CARMIL1: variants seen among roughly 807,000 people sequenced by gnomAD.
CARMIL1 encodes the protein capping protein regulator and myosin 1 linker 1.
In CARMIL1, 90 loss-of-function variants were observed where a neutral mutation model predicts 177.1. That is an observed-to-expected ratio of 0.51 (90% confidence interval 0.43 to 0.61). The LOEUF (loss-of-function observed/expected upper bound fraction) is 0.61. CARMIL1 is among the 20% of genes least tolerant of loss of function. The pLI, the probability that CARMIL1 is intolerant of heterozygous loss-of-function variation, is 0.00. For missense variants in CARMIL1, 1,380 were observed against 1,667.0 expected (o/e 0.83, Z 3.00); for synonymous variants, 577 against 606.2 (o/e 0.95, Z 0.71).
At chr6:25,514,515 A>C (rs1158568620) in intron 20 of CARMIL1, among the ~76,000 whole-genome samples, 1 of 145,042 alleles carries the variant, frequency 6.9e-6, no homozygotes, top group East Asian at 2.0e-4. Context: ...CCACTGCAGC[A>C]CTCCAGCTTG....
In CARMIL1 at chr6:25,554,823, T is replaced by C. The variant is rs1160170284; in HGVS notation, c.2592+727T>C. On this transcript the variant is annotated intron_variant, in intron 28 of 36. Transcript: ENST00000329474. This position sits in a 1 kb window ranked among gnomAD's most constrained non-coding sequence, Gnocchi z 4.6. ...CAAGAAAAATAATTCTTCAATGTTTTCTTAACTGTGCGGGATGGAGATACC... is the reference window on the plus strand; with the variant it reads ...CAAGAAAAATAATTCTTCAATGTTTCCTTAACTGTGCGGGATGGAGATACC... Among the ~76,000 whole-genome samples the C allele has an allele frequency of 6.6e-6, 1 of 152,222 alleles. No homozygotes were observed. The highest frequency in any genetic ancestry group is 1.5e-5 in the Non-Finnish European group (1 of 68,034).
chr6:25,613,157 CA>C (rs1470197426), intron 36 of CARMIL1, among the ~76,000 whole-genome samples: 1 of 152,162 alleles, frequency 6.6e-6, no homozygotes, highest in Non-Finnish European at 1.5e-5. Flanking sequence ...TTTTTGTGAT[CA>C]TGCAAGTTTA....
intron 2 of CARMIL1, among the ~76,000 whole-genome samples, chr6:25,344,081 C>G (rs186781105): frequency 6.6e-6 from 1 of 152,236 alleles, no homozygotes; most frequent in East Asian, 1.9e-4. Flanking sequence ...TGTGAGTTCT[C>G]CAGGATTTCA....
intron 16 of CARMIL1, among the ~76,000 whole-genome samples, chr6:25,498,176 CTGAG>C (rs1446418749): frequency 2.0e-5 from 3 of 152,138 alleles, no homozygotes; most frequent in Admixed American, 6.6e-5. Flanking sequence ...ATCTTTCTGG[CTGAG>C]TATTTTTCAT....
chr6:25,478,770 T>A (rs559844385), intron 11 of CARMIL1, among the ~76,000 whole-genome samples: 5 of 151,576 alleles, frequency 3.3e-5, no homozygotes, highest in Admixed American at 6.6e-5. Flanking sequence ...CACTCCAGCC[T>A]GGGTGACAGA....
chr6:25,392,220 A>G (rs1312197809), intron 2 of CARMIL1, among the ~76,000 whole-genome samples: 3 of 152,050 alleles, frequency 2.0e-5, no homozygotes, highest in African/African-American at 7.2e-5. Flanking sequence ...TTGCAGTTGG[A>G]CAGGACTTTT....
At chr6:25,568,001 C>T (rs559444930) in intron 29 of CARMIL1, among the ~76,000 whole-genome samples, 75 of 152,162 alleles carry the variant, frequency 4.9e-4, no homozygotes, top group Non-Finnish European at 9.1e-4. Flanking sequence ...CTCTCAGGGC[C>T]GAGGCCAAAC....
At chr6:25,538,601 T>C (rs1303344606) in intron 25 of CARMIL1, among the ~76,000 whole-genome samples, 1 of 152,068 alleles carries the variant, frequency 6.6e-6, no homozygotes, top group Non-Finnish European at 1.5e-5. Flanking sequence ...TCTTTTGTTA[T>C]AGTATTTGGT....
At chr6:25,549,465 G>A (rs762883584) in intron 26 of CARMIL1, among the ~76,000 whole-genome samples, 5 of 152,186 alleles carry the variant, frequency 3.3e-5, no homozygotes, top group Non-Finnish European at 7.4e-5. Flanking sequence ...TCTTGCAGAT[G>A]ATTGGTATAG....
intron 15 of CARMIL1, among the ~76,000 whole-genome samples, chr6:25,493,506 C>T (rs1177077313): frequency 6.6e-6 from 1 of 152,198 alleles, no homozygotes; most frequent in East Asian, 1.9e-4. Flanking sequence ...GATTTTGTGA[C>T]ATGTCCATTG....
At chr6:25,418,642 A>G (rs1795572283) in intron 2 of CARMIL1, among the ~76,000 whole-genome samples, 1 of 152,128 alleles carries the variant, frequency 6.6e-6, no homozygotes, top group South Asian at 2.1e-4. Flanking sequence ...TGTTGCCCAC[A>G]TTTTTATGAG....
At chr6:25,476,585 G>C (rs1469138625) in intron 11 of CARMIL1, among the ~76,000 whole-genome samples, 1 of 151,964 alleles carries the variant, frequency 6.6e-6, no homozygotes, top group Non-Finnish European at 1.5e-5. Context: ...TTCTGCTCAT[G>C]GATGGAAATT....
intron 8 of CARMIL1, among the ~76,000 whole-genome samples, chr6:25,459,275 T>TCTTTCTCTTTCTTTCTTTCTTTCTTTC (rs1272799059): frequency 2.1e-5 from 3 of 141,430 alleles, no homozygotes; most frequent in African/African-American, 5.1e-5. Flanking sequence ...TCTTTTTTTT[T>TCTTTCTCTTTCTTTCTTTCTTTCTTTC]TTTTTAAGAC....
At chr6:25,459,271 T>TTTCTTTCTTTCTTTCTTTCTTTCTTTTC (rs1799899573) in intron 8 of CARMIL1, among the ~76,000 whole-genome samples, 6 of 140,422 alleles carry the variant, frequency 4.3e-5, no homozygotes, top group South Asian at 2.4e-4. Flanking sequence ...TCTTTCTTTT[T>TTTCTTTCTTTCTTTCTTTCTTTCTTTTC]TTTTTTTTTA....
At position 25,467,681 on chromosome 6, in the gene CARMIL1, G is replaced by A. The variant is rs73393863; in HGVS notation, c.690+1733G>A. On this transcript the variant is annotated intron_variant, in intron 9 of 36. Transcript: ENST00000329474. ...GGCAAAACAAACCATGTAAGTGCTAGTATGCTTTCTTGGGTGTCCTGGGAT... is the reference window on the plus strand; with the variant it reads ...GGCAAAACAAACCATGTAAGTGCTAATATGCTTTCTTGGGTGTCCTGGGAT... Among the ~76,000 whole-genome samples, 1,363 of 152,316 alleles carry A rather than the reference G, an allele frequency of 8.9e-3. 20 individuals carry two copies. The highest frequency in any genetic ancestry group is 0.031 in the African/African-American group (1,280 of 41,562).
chr6:25,618,804 G>A (rs565927932), intron 36 of CARMIL1, among the ~76,000 whole-genome samples: 1 of 152,290 alleles, frequency 6.6e-6, no homozygotes, highest in East Asian at 1.9e-4. Flanking sequence ...TTTACCTGGA[G>A]GGTGATTCCA....
At chr6:25,315,438 C>T (rs1047786371) in intron 2 of CARMIL1, among the ~76,000 whole-genome samples, 4 of 152,214 alleles carry the variant, frequency 2.6e-5, no homozygotes, top group African/African-American at 7.2e-5. Flanking sequence ...GCTCTCTCTG[C>T]GGTCTACCCT....
At chr6:25,357,057 G>A (rs1195750529) in intron 2 of CARMIL1, among the ~76,000 whole-genome samples, 1 of 150,010 alleles carries the variant, frequency 6.7e-6, no homozygotes, top group Non-Finnish European at 1.5e-5. Context: ...GTGTTCTGAG[G>A]CTCAGCAGAA....
intron 4 of CARMIL1, among the ~76,000 whole-genome samples, chr6:25,428,032 A>T (rs140265016): frequency 6.6e-6 from 1 of 152,172 alleles, no homozygotes; most frequent in African/African-American, 2.4e-5. Flanking sequence ...ATGAAGTCCA[A>T]TTTATCAATG....
Sources: gnomAD v4.1 joint callset for allele counts (sites outside exome capture counted in the v4.1 genomes callset) on GRCh38, gnomAD v4.1.1 for gene constraint, Gnocchi (gnomAD v3.1) non-coding constraint, MANE v1.5 for transcripts, NCBI Gene and HGNC (gene_info 2026-07-23, HGNC 2026-07-21) for gene names.